Variants in FLNB observed in about 807,000 individuals in gnomAD.
The protein encoded by FLNB is filamin-B.
A neutral mutation model predicts 250.6 loss-of-function variants in FLNB; 111 were observed. That is an observed-to-expected ratio of 0.44 (90% confidence interval 0.38 to 0.52). The LOEUF (loss-of-function observed/expected upper bound fraction) is 0.52, where lower values mean the gene tolerates loss of function less well. Ranked by LOEUF, FLNB falls within the 20% of genes least tolerant of loss-of-function variation. The probability of loss-of-function intolerance (pLI) is 0.00; values close to 1 mark genes in which losing one functional copy is unlikely to be tolerated. For missense variants in FLNB, 2,869 were observed against 3,447.8 expected (o/e 0.83, Z 4.20); for synonymous variants, 1,302 against 1,372.1 (o/e 0.95, Z 1.13).
At chr3:58,143,317 A>G (rs2097330249) in intron 31 of FLNB, among the ~76,000 whole-genome samples, 156 bp from the exon 32 acceptor site, 2 of 152,066 alleles carry the variant, frequency 1.3e-5, no homozygotes, top group South Asian at 4.1e-4. Flanking sequence ...AAAAGAGCAA[A>G]TGGTCTCTCC....
Position 58,141,926 on chromosome 3 carries a change from C to T in FLNB, c.5178C>T (p.Pro1726=). ...ATGCATGTCCCCCTGGATTCAGGCC[C>T]TGGGTACAATTTTGGTTTTTTCCTT... ...PVNACPPGFR[P]WVTEEAYVPV... Residue 1726 remains proline, a synonymous_variant, in exon 30 of 46, where the codon CCC becomes CCT. Transcript: ENST00000295956. The T allele has an allele frequency of 6.2e-7, 1 of 1,614,010 alleles. No homozygotes were observed. Among genetic ancestry groups the T allele is most frequent in the Non-Finnish European group, 8.5e-7 (1 of 1,179,894 alleles).
At chr3:58,051,066 G>A (rs571613821) in intron 1 of FLNB, among the ~76,000 whole-genome samples, 127 of 152,262 alleles carry the variant, frequency 8.3e-4, no homozygotes, top group Non-Finnish European at 1.3e-3. Flanking sequence ...CTGGCCATTC[G>A]TCACTTGGGA....
rs79747308 is a variant in FLNB, at chr3:58,145,685, C to T, written c.5426-236C>T. 0.013 allele frequency among the ~76,000 whole-genome samples: 1,937 copies of T among 152,310 alleles called. 22 individuals are homozygous for T. The highest frequency in any genetic ancestry group is 0.037 in the Middle Eastern group (11 of 294). ...TAGCCCCCTTCCTCATCTGGAGCAGCTTCCAGGATTGTTTTTCTTATGTTG... is the reference window on the plus strand; with the variant it reads ...TAGCCCCCTTCCTCATCTGGAGCAGTTTCCAGGATTGTTTTTCTTATGTTG... On this transcript the variant is annotated intron_variant, in intron 32 of 45. Coordinates refer to ENST00000295956, the MANE Select transcript of FLNB (RefSeq NM_001457.4).
At position 58,169,433 on chromosome 3, in the gene FLNB, A is replaced by C. The variant is rs2107343457; in HGVS notation, c.7418-157A>C. On this transcript the variant is annotated intron_variant, in intron 44 of 45. Coordinates refer to ENST00000295956, the MANE Select transcript of FLNB (RefSeq NM_001457.4). This position sits in a 1 kb window ranked among gnomAD's most constrained non-coding sequence, Gnocchi z 4.8. The stretch of plus-strand genomic sequence containing the variant: ...TGGGGGTGGGATCCTAGGGGTTTAG[A>C]AGACATTATGGGTGTGAGATACAGG... 1.4e-6 allele frequency: 1 copy of C among 691,972 alleles called. No homozygotes were observed. The highest frequency in any genetic ancestry group is 2.7e-6 in the Non-Finnish European group (1 of 377,170). 42.9% of individuals were successfully genotyped at this position (691,972 alleles called of 1,614,324 possible).
At chr3:58,082,180 G>T (rs898543497) in intron 4 of FLNB, among the ~76,000 whole-genome samples, 1 of 152,128 alleles carries the variant, frequency 6.6e-6, no homozygotes, top group African/African-American at 2.4e-5. Flanking sequence ...ATTTCCAGCC[G>T]GAGTGGGAGC....
At chr3:58,100,373 A>AAAAAAAAAAATATATATATATATAT in intron 8 of FLNB, among the ~76,000 whole-genome samples, 1 of 104,384 alleles carries the variant, frequency 9.6e-6, no homozygotes, top group Non-Finnish European at 1.8e-5. Context: ...GTAAAAAAAA[A>AAAAAAAAAAATATATATATATATAT]ATATATATAT....
chr3:58,124,596 G>C, intron 22 of FLNB, 91 bp downstream of exon 22: 1 of 1,396,020 alleles, frequency 7.2e-7, no homozygotes, highest in Non-Finnish European at 1.0e-6. Context: ...TGCCCCATGT[G>C]CTAGGCCTGT....
intron 1 of FLNB, among the ~76,000 whole-genome samples, chr3:58,024,645 G>A (rs114202538): frequency 0.015 from 2,287 of 148,828 alleles, 58 homozygotes; most frequent in African/African-American, 0.054. Flanking sequence ...GATAACTGTT[G>A]AGTAGGAACC....
chr3:58,125,092 T>G (rs933670682), intron 22 of FLNB, among the ~76,000 whole-genome samples: 1 of 152,276 alleles, frequency 6.6e-6, no homozygotes, highest in African/African-American at 2.4e-5. Flanking sequence ...ATAGACGGTT[T>G]GTATTATTTA....
At chr3:58,011,707 G>C (rs2097099241) in intron 1 of FLNB, among the ~76,000 whole-genome samples, 1 of 152,116 alleles carries the variant, frequency 6.6e-6, no homozygotes, top group African/African-American at 2.4e-5. Context: ...TTCAATTTGG[G>C]GGCACCTACT....
intron 1 of FLNB, among the ~76,000 whole-genome samples, chr3:58,042,963 T>C (rs2097148233): frequency 6.6e-6 from 1 of 152,164 alleles, no homozygotes; most frequent in African/African-American, 2.4e-5. Context: ...TTGGGCCATG[T>C]CGTGCTGTTG....
chr3:58,107,277 C>T (rs554357317), intron 12 of FLNB, among the ~76,000 whole-genome samples: 11 of 152,032 alleles, frequency 7.2e-5, no homozygotes, highest in African/African-American at 1.7e-4. Context: ...GTGATCCACC[C>T]GCCTCGGCCC....
chr3:58,086,930 T>C (rs2097218255), intron 4 of FLNB, among the ~76,000 whole-genome samples: 1 of 152,108 alleles, frequency 6.6e-6, no homozygotes, highest in Non-Finnish European at 1.5e-5. Flanking sequence ...CTGGCCAACG[T>C]GGTGAAACCC....
chr3:58,122,984 C>G, intron 20 of FLNB, 109 bp from the exon 21 acceptor site: 1 of 1,004,924 alleles, frequency 1.0e-6, no homozygotes, highest in Non-Finnish European at 1.6e-6. Flanking sequence ...AAGAGAAGGG[C>G]TGCCTGGCTC....
At position 58,142,046 on chromosome 3, in the gene FLNB, T is replaced by C. The variant is rs2097328038; in HGVS notation, c.5181+117T>C. 2.4e-6 allele frequency: 2 copies of C among 823,438 alleles called. No individual in the cohort carries two copies. Among genetic ancestry groups the C allele is most frequent in the Admixed American group, 3.8e-5 (2 of 52,860 alleles). 51.0% of individuals were successfully genotyped at this position (823,438 alleles called of 1,614,324 possible). The stretch of plus-strand genomic sequence containing the variant: ...CCTGTGGGTGTCCTGGTCATTGGTG[T>C]GCCCCTCACTGATCAGCCCATCACG... On this transcript the variant is annotated intron_variant, in intron 30 of 45. Transcript: ENST00000295956. This position sits in a 1 kb window ranked among gnomAD's most constrained non-coding sequence, Gnocchi z 4.3.
At chr3:58,106,918 G>A (rs759233901) in intron 12 of FLNB, 45 bp downstream of exon 12, 7 of 1,555,650 alleles carry the variant, frequency 4.5e-6, no homozygotes, top group East Asian at 2.2e-5. Context: ...CTGGCCCCTG[G>A]TTCCTCACCC....
chr3:58,052,686 G>T (rs2097164280), intron 1 of FLNB, among the ~76,000 whole-genome samples: 1 of 152,228 alleles, frequency 6.6e-6, no homozygotes, highest in Non-Finnish European at 1.5e-5. Flanking sequence ...CAGCTTGCGG[G>T]CTGGCTGATG....
intron 4 of FLNB, among the ~76,000 whole-genome samples, chr3:58,084,936 C>CTT (rs1339060117): frequency 6.6e-6 from 1 of 152,144 alleles, no homozygotes; most frequent in Non-Finnish European, 1.5e-5. Context: ...CATATGCTGT[C>CTT]TTTTTTTCTC....
At chr3:58,038,639 G>A (rs919977058) in intron 1 of FLNB, among the ~76,000 whole-genome samples, 3 of 150,252 alleles carry the variant, frequency 2.0e-5, no homozygotes, top group African/African-American at 7.4e-5. Context: ...ATGTTCCCCA[G>A]GCTGGTCTCA....
Sources: allele counts gnomAD v4.1 joint callset (sites outside exome capture counted in the v4.1 genomes callset), GRCh38; gene constraint gnomAD v4.1.1; non-coding constraint Gnocchi (gnomAD v3.1); transcripts MANE v1.5; gene names NCBI Gene and HGNC (gene_info 2026-07-23, HGNC 2026-07-21).